Variants in TENM2 observed in about 807,000 individuals in gnomAD.
TENM2 encodes the protein teneurin-2.
In TENM2, 52 loss-of-function variants were observed where a neutral mutation model predicts 245.2. That is an observed-to-expected ratio of 0.21 (90% CI 0.17 to 0.27). The LOEUF (loss-of-function observed/expected upper bound fraction) is 0.27. Ranked by LOEUF, TENM2 falls within the 10% of genes least tolerant of loss-of-function variation. The pLI is 1.00. For missense variants in TENM2, 3,046 were observed against 3,666.8 expected, an observed-to-expected ratio of 0.83 and a Z score of 4.37; for synonymous variants, 1,363 against 1,438.9, an observed-to-expected ratio of 0.95 and a Z score of 1.19.
intron 9 of TENM2, among the ~76,000 whole-genome samples, chr5:168,102,081 TG>T (rs1793864885): frequency 1.3e-5 from 2 of 152,156 alleles, no homozygotes; most frequent in Non-Finnish European, 2.9e-5. Context: ...GTTTTGTTGT[TG>T]TTTTTTTTGA....
intron 2 of TENM2, among the ~76,000 whole-genome samples, chr5:167,599,819 T>C (rs1409744509): frequency 6.6e-6 from 1 of 151,972 alleles, no homozygotes; most frequent in African/African-American, 2.4e-5. Context: ...ACTTGTGGAG[T>C]ATAAAAGCAC....
chr5:167,844,150 A>C (rs1769815028), intron 2 of TENM2, among the ~76,000 whole-genome samples: 1 of 152,210 alleles, frequency 6.6e-6, no homozygotes, highest in East Asian at 1.9e-4. Context: ...AGTGGGAAAA[A>C]AAAGTAGTAT....
At chr5:167,928,237 A>G (rs1257430901) in intron 3 of TENM2, among the ~76,000 whole-genome samples, 4 of 152,138 alleles carry the variant, frequency 2.6e-5, no homozygotes, top group Non-Finnish European at 1.5e-5. Flanking sequence ...CGAAATGTCT[A>G]TGGTTCCCAT....
At chr5:167,575,281 C>A (rs774417157) in intron 2 of TENM2, among the ~76,000 whole-genome samples, 5 of 152,006 alleles carry the variant, frequency 3.3e-5, no homozygotes, top group Non-Finnish European at 5.9e-5. Context: ...ATTAAAAGTA[C>A]AAAATTCAGT....
chr5:167,474,165 A>G (rs1394265954), intron 2 of TENM2, among the ~76,000 whole-genome samples: 1 of 152,210 alleles, frequency 6.6e-6, no homozygotes, highest in Non-Finnish European at 1.5e-5. Context: ...TTAGAGATGT[A>G]GATGAAGTTG....
At chr5:167,234,399 G>T in the TENM2 span, among the ~76,000 whole-genome samples, 1 of 152,130 alleles carries the variant, frequency 6.6e-6, no homozygotes, top group Non-Finnish European at 1.5e-5. Flanking sequence ...GTTTTTGAAG[G>T]TTCAACAATT....
At chr5:167,378,150 G>C (rs1257270794) in intron 2 of TENM2, among the ~76,000 whole-genome samples, 1 of 152,022 alleles carries the variant, frequency 6.6e-6, no homozygotes, top group African/African-American at 2.4e-5. Context: ...ATTTTGCTAA[G>C]CATAGTTAAT....
At chr5:167,179,079 T>C in the TENM2 span, among the ~76,000 whole-genome samples, 1 of 152,222 alleles carries the variant, frequency 6.6e-6, no homozygotes, top group Non-Finnish European at 1.5e-5. Context: ...TAAGCTGTTA[T>C]ACTTTGTGAT....
chr5:167,758,419 A>C (rs908754310), intron 2 of TENM2, among the ~76,000 whole-genome samples: 2 of 152,200 alleles, frequency 1.3e-5, no homozygotes, highest in East Asian at 3.9e-4. Flanking sequence ...AGATCAGAAG[A>C]TAGAAGGTGG....
At chr5:167,573,890 G>GA (rs1774455982) in intron 2 of TENM2, 1 of 143,354 alleles carries the variant, frequency 7.0e-6, no homozygotes, top group South Asian at 2.5e-4. Flanking sequence ...AAAAAAAAAA[G>GA]AAAAGAAAAA....
At chr5:167,860,030 G>C (rs1355359682) in intron 2 of TENM2, among the ~76,000 whole-genome samples, 1 of 84,948 alleles carries the variant, frequency 1.2e-5, no homozygotes, top group Non-Finnish European at 2.5e-5. Flanking sequence ...CCCCCTGCCC[G>C]GCCAGCCGCC....
chr5:167,700,175 TC>T (rs1758046007), intron 2 of TENM2, among the ~76,000 whole-genome samples: 1 of 152,106 alleles, frequency 6.6e-6, no homozygotes. Context: ...ATTTACAAAA[TC>T]CCACTGCTCC....
chr5:167,910,948 A>C (rs1296912798), intron 3 of TENM2, among the ~76,000 whole-genome samples: 1 of 152,220 alleles, frequency 6.6e-6, no homozygotes, highest in Non-Finnish European at 1.5e-5. Flanking sequence ...TTATGAATAC[A>C]TATTTTTTGG....
intron 2 of TENM2, among the ~76,000 whole-genome samples, chr5:167,393,614 G>C (rs575124608): frequency 6.6e-6 from 1 of 152,164 alleles, no homozygotes; most frequent in African/African-American, 2.4e-5. Flanking sequence ...TCAGGTCATA[G>C]AGGGTGTCAC....
At chr5:168,036,636 A>ATC (rs1787693392) in intron 5 of TENM2, among the ~76,000 whole-genome samples, 1 of 99,608 alleles carries the variant, frequency 1.0e-5, no homozygotes, top group African/African-American at 5.1e-5. Context: ...AACTCCATCA[A>ATC]AAAAAAAATA....
chr5:167,630,223 A>G (rs1778777710), intron 2 of TENM2, among the ~76,000 whole-genome samples: 1 of 151,452 alleles, frequency 6.6e-6, no homozygotes, highest in Non-Finnish European at 1.5e-5. Context: ...TATCCGAATT[A>G]CCAGCATCAC....
chr5:167,655,474 A>T (rs148362883), intron 2 of TENM2, among the ~76,000 whole-genome samples: 159 of 152,320 alleles, frequency 1.0e-3, no homozygotes, highest in African/African-American at 3.2e-3. Flanking sequence ...CAAACAACAG[A>T]TGTCCATTAC....
chr5:167,286,545 G>A (rs1437518585), intron 1 of TENM2, among the ~76,000 whole-genome samples: 2 of 152,186 alleles, frequency 1.3e-5, no homozygotes, highest in Non-Finnish European at 2.9e-5. Flanking sequence ...ACACCTCTCT[G>A]TTGTTTCCCA....
At chr5:167,888,621 C>G (rs1179486085) in intron 3 of TENM2, among the ~76,000 whole-genome samples, 1 of 152,126 alleles carries the variant, frequency 6.6e-6, no homozygotes, top group Non-Finnish European at 1.5e-5. Flanking sequence ...ACAGAGAAAA[C>G]CAATGTAGTT....
Sources: gnomAD v4.1 joint callset for allele counts (sites outside exome capture counted in the v4.1 genomes callset) on GRCh38, gnomAD v4.1.1 for gene constraint, MANE v1.5 for transcripts, NCBI Gene and HGNC (gene_info 2026-07-23, HGNC 2026-07-21) for gene names.